The following XXYLT1 variants were observed in gnomAD, a reference collection of about 807,000 sequenced individuals.
XXYLT1 encodes the protein UDP-xylose:alpha-xyloside alpha-1,3-xylosyltransferase.
In XXYLT1, 20 loss-of-function variants were observed where a neutral mutation model predicts 28.9. That is an observed-to-expected ratio of 0.69 (90% confidence interval 0.49 to 1.00). The LOEUF is 1.00. Among genes scored for constraint, XXYLT1 ranks in the 50% least tolerant of loss-of-function variants. The pLI, the probability that XXYLT1 is intolerant of heterozygous loss-of-function variation, is 0.00. For missense variants in XXYLT1, 542 were observed against 560.1 expected (o/e 0.97, Z 0.33); for synonymous variants, 257 against 253.8 (o/e 1.01, Z -0.12).
At chr3:195,089,582 G>A (rs1716016435) in intron 3 of XXYLT1, among the ~76,000 whole-genome samples, 1 of 152,064 alleles carries the variant, frequency 6.6e-6, no homozygotes, top group Non-Finnish European at 1.5e-5. Context: ...ATGCCAAAAT[G>A]TAAAGACCAT....
intron 3 of XXYLT1, among the ~76,000 whole-genome samples, chr3:195,143,415 G>T (rs1007302322): frequency 1.3e-5 from 2 of 152,140 alleles, no homozygotes; most frequent in Admixed American, 1.3e-4. Context: ...TCGATATTTT[G>T]AAATCAGAAG....
In XXYLT1 at chr3:195,166,424, G is replaced by A. The variant is rs114551106; in HGVS notation, c.653-9843C>T. On this transcript the variant is annotated intron_variant, in intron 2 of 3. Transcript: ENST00000310380. ...GGTTTTGACTCATAAATATTTCAGC[G>A]TGCACTTCCTAAGAAACAAGGACAC... Among the ~76,000 whole-genome samples the A allele has an allele frequency of 2.4e-3, 363 of 152,040 alleles. 1 individual carries two copies. Among genetic ancestry groups the A allele is most frequent in the Non-Finnish European group, 4.1e-3 (276 of 68,010 alleles).
At chr3:195,179,382 C>T (rs1480479730) in intron 2 of XXYLT1, among the ~76,000 whole-genome samples, 3 of 151,540 alleles carry the variant, frequency 2.0e-5, no homozygotes, top group East Asian at 3.9e-4. Context: ...ATGATGGGAT[C>T]GTACCTCAGA....
intron 2 of XXYLT1, among the ~76,000 whole-genome samples, chr3:195,221,480 G>A (rs1476204004): frequency 2.0e-5 from 3 of 152,230 alleles, no homozygotes; most frequent in Non-Finnish European, 4.4e-5. Flanking sequence ...TTGACTGCAG[G>A]ACAGGAGAGC....
chr3:195,073,111 G>A (rs781705228), intron 3 of XXYLT1, among the ~76,000 whole-genome samples: 2 of 152,200 alleles, frequency 1.3e-5, no homozygotes, highest in African/African-American at 2.4e-5. Flanking sequence ...TCAGTTTGTC[G>A]CAGGCAGGGC....
intron 2 of XXYLT1, among the ~76,000 whole-genome samples, chr3:195,191,567 G>A (rs75770581): frequency 1.3e-5 from 2 of 152,154 alleles, no homozygotes; most frequent in Non-Finnish European, 2.9e-5. Flanking sequence ...GTTATGGGGG[G>A]TTGGCACCCC....
In XXYLT1 at chr3:195,270,691, C is replaced by A. The variant is rs1246072045; in HGVS notation, c.368G>T (p.Arg123Leu). 1.3e-6 allele frequency: 2 copies of A among 1,587,584 alleles called. No homozygotes were observed. The highest frequency in any genetic ancestry group is 1.7e-6 in the Non-Finnish European group (2 of 1,172,046). ...GAACTTGGCGAGGCGCAGCAGTGAG[C>A]GCAGCGCGACGCGGGCCTTGGCCTG... ...ALQAKARVAL[R>L]SLLRLAKFEA... The change falls in exon 1 of 4, where the codon CGC becomes CTC. Residue 123 changes from arginine (R) to leucine (L), a missense_variant. By Grantham distance (102) the Arg-to-Leu change is moderately radical. Coordinates refer to ENST00000310380, the MANE Select transcript of XXYLT1 (RefSeq NM_152531.5).
intron 3 of XXYLT1, among the ~76,000 whole-genome samples, chr3:195,090,783 G>A (rs1202643532): frequency 6.9e-6 from 1 of 145,094 alleles, no homozygotes; most frequent in African/African-American, 2.6e-5. Flanking sequence ...CCACTAGCAA[G>A]ACTAATAAAG....
At chr3:195,183,518 A>G (rs1298851772) in intron 2 of XXYLT1, 2 of 152,236 alleles carry the variant, frequency 1.3e-5, no homozygotes, top group Non-Finnish European at 2.9e-5. Flanking sequence ...GAACAGACGA[A>G]TACAGTGTGT....
intron 2 of XXYLT1, among the ~76,000 whole-genome samples, chr3:195,221,052 G>T (rs1723801812): frequency 6.6e-6 from 1 of 151,582 alleles, no homozygotes; most frequent in Non-Finnish European, 1.5e-5. Context: ...GAGGGAAACA[G>T]CTCTTCTCCT....
At chr3:195,174,320 G>T (rs1265631940) in intron 2 of XXYLT1, among the ~76,000 whole-genome samples, 2 of 152,034 alleles carry the variant, frequency 1.3e-5, no homozygotes, top group Non-Finnish European at 2.9e-5. Context: ...TTCTTCTTAG[G>T]ACTTCCCACA....
chr3:195,114,221 G>A (rs1717926255), intron 3 of XXYLT1, among the ~76,000 whole-genome samples: 2 of 152,244 alleles, frequency 1.3e-5, no homozygotes, highest in Admixed American at 6.5e-5. Flanking sequence ...AGGGAAAGCT[G>A]CATTGGGTGG....
At chr3:195,244,810 CT>C (rs1278666948) in intron 1 of XXYLT1, among the ~76,000 whole-genome samples, 2 of 125,348 alleles carry the variant, frequency 1.6e-5, no homozygotes, top group Non-Finnish European at 3.4e-5. Flanking sequence ...AATTTTTAAA[CT>C]TTAGATCATT....
intron 3 of XXYLT1, among the ~76,000 whole-genome samples, chr3:195,143,823 TATATATAGATATAGATATAGATATA>T (rs1719645508): frequency 1.1e-5 from 1 of 93,820 alleles, no homozygotes; most frequent in African/African-American, 4.0e-5. Context: ...TAGATATAGA[TATATATAGATATAGATATAGATATA>T]TATATAGATA....
chr3:195,215,226 T>G (rs538069563), intron 2 of XXYLT1, among the ~76,000 whole-genome samples: 2 of 144,352 alleles, frequency 1.4e-5, no homozygotes, highest in East Asian at 4.1e-4. Context: ...CATGCCAAAA[T>G]GTAAAGACCA....
Position 195,176,461 on chromosome 3 carries a change from AATGAG to A in XXYLT1, c.653-19885_653-19881del, listed in dbSNP as rs1577110965. 1.3e-5 allele frequency among the ~76,000 whole-genome samples: 2 copies of A among 152,236 alleles called. No individual in the cohort carries two copies. Among genetic ancestry groups the A allele is most frequent in the African/African-American group, 4.8e-5 (2 of 41,466 alleles). ...CATGATCTGAAAAGAACTGGTATGA[AATGAG>A]ATGAGAAGCAGATCTTGAATATTCT... On this transcript the variant is annotated intron_variant, in intron 2 of 3. Coordinates refer to ENST00000310380, the MANE Select transcript of XXYLT1 (RefSeq NM_152531.5). This position sits in a 1 kb window ranked among gnomAD's most constrained non-coding sequence, Gnocchi z 4.9.
intron 3 of XXYLT1, among the ~76,000 whole-genome samples, chr3:195,137,776 A>G (rs926092592): frequency 1.3e-5 from 2 of 152,222 alleles, no homozygotes; most frequent in African/African-American, 4.8e-5. Flanking sequence ...TGTACATGAC[A>G]TCATTGTATT....
At chr3:195,081,025 A>G (rs1715403772) in intron 3 of XXYLT1, among the ~76,000 whole-genome samples, 1 of 152,186 alleles carries the variant, frequency 6.6e-6, no homozygotes, top group Non-Finnish European at 1.5e-5. Flanking sequence ...ATCTTGGCCA[A>G]GGCAAAAATA....
At chr3:195,253,560 G>A (rs1042553364) in intron 1 of XXYLT1, among the ~76,000 whole-genome samples, 1 of 127,526 alleles carries the variant, frequency 7.8e-6, no homozygotes, top group Admixed American at 9.0e-5. Flanking sequence ...GTGCAGTGTT[G>A]TGATTTTGGT....
Sources: allele counts gnomAD v4.1 joint callset (sites outside exome capture counted in the v4.1 genomes callset), GRCh38; gene constraint gnomAD v4.1.1; non-coding constraint Gnocchi (gnomAD v3.1); transcripts MANE v1.5; gene names NCBI Gene and HGNC (gene_info 2026-07-23, HGNC 2026-07-21).